The following RIMBP2 variants were observed in gnomAD, a reference collection of about 807,000 sequenced individuals.
RIMBP2 encodes the protein RIMS-binding protein 2.
In RIMBP2, 48 loss-of-function variants were observed where a neutral mutation model predicts 118.6. The observed-to-expected ratio is 0.40, with a 90% CI of 0.32 to 0.51. The LOEUF (loss-of-function observed/expected upper bound fraction) is 0.51. Ranked by LOEUF, RIMBP2 falls within the 20% of genes least tolerant of loss-of-function variation. RIMBP2 has a pLI of 0.41. For missense variants in RIMBP2, 1,551 were observed against 1,768.3 expected (o/e 0.88, Z 2.20); for synonymous variants, 762 against 742.9 (o/e 1.03, Z -0.42).
intron 2 of RIMBP2, among the ~76,000 whole-genome samples, chr12:130,586,944 A>AT (rs2058926095): frequency 1.3e-5 from 1 of 78,796 alleles, no homozygotes; most frequent in African/African-American, 5.1e-5. Context: ...CAAAGGGCTA[A>AT]TATCCAGAAT....
intron 2 of RIMBP2, among the ~76,000 whole-genome samples, chr12:130,605,205 C>A (rs1330279540): frequency 6.6e-6 from 1 of 152,166 alleles, no homozygotes; most frequent in African/African-American, 2.4e-5. Context: ...ACATACTATC[C>A]TAATAATATA....
chr12:130,593,836 C>T (rs2059413425), intron 2 of RIMBP2, among the ~76,000 whole-genome samples: 1 of 152,194 alleles, frequency 6.6e-6, no homozygotes, highest in South Asian at 2.1e-4. Context: ...TCAAGAATTG[C>T]TCTTCTCACA....
intron 2 of RIMBP2, among the ~76,000 whole-genome samples, chr12:130,539,708 C>A (rs12811067): frequency 8.1e-4 from 72 of 88,512 alleles, no homozygotes; most frequent in East Asian, 2.3e-3. Context: ...CAGGTGTAGG[C>A]TATGGCAAAT....
At chr12:130,412,038 C>T (rs577405010) in intron 19 of RIMBP2, among the ~76,000 whole-genome samples, 27 of 151,714 alleles carry the variant, frequency 1.8e-4, no homozygotes, top group African/African-American at 6.5e-4. Context: ...TTAATGAGGA[C>T]ATTGTTATTG....
Position 130,703,556 on chromosome 12 carries a change from G to A in RIMBP2, c.-352+12666C>T, listed in dbSNP as rs537157809. Among the ~76,000 whole-genome samples, 1 of 152,318 alleles carries A rather than the reference G, an allele frequency of 6.6e-6. No homozygotes were observed. Among genetic ancestry groups the A allele is most frequent in the Admixed American group, 6.5e-5 (1 of 15,310 alleles). ...CTCAGGGCTGAGCCGCAGTCTGAGG[G>A]CCGGGCCCTGGCATGGGCTCCATCA... On this transcript the variant is annotated intron_variant, in intron 1 of 22. Transcript: ENST00000690449. This position sits in a 1 kb window ranked among gnomAD's most constrained non-coding sequence, Gnocchi z 5.7.
At chr12:130,491,939 T>C (rs1185019709) in intron 4 of RIMBP2, among the ~76,000 whole-genome samples, 3 of 152,194 alleles carry the variant, frequency 2.0e-5, no homozygotes, top group Non-Finnish European at 2.9e-5. Flanking sequence ...GGTGCCGCTA[T>C]CCCAGGGAAA....
At chr12:130,632,452 C>A (rs2062057151) in intron 1 of RIMBP2, among the ~76,000 whole-genome samples, 1 of 152,082 alleles carries the variant, frequency 6.6e-6, no homozygotes, top group African/African-American at 2.4e-5. Flanking sequence ...TGATTCCTGG[C>A]TTCTCAATGC....
chr12:130,444,544 C>T (rs899965861), intron 10 of RIMBP2, among the ~76,000 whole-genome samples: 4 of 152,196 alleles, frequency 2.6e-5, no homozygotes, highest in South Asian at 2.1e-4. Context: ...TCCTTTAGAA[C>T]GTTGATTTAT....
intron 1 of RIMBP2, among the ~76,000 whole-genome samples, chr12:130,649,831 G>A (rs1001156140): frequency 3.3e-5 from 5 of 151,884 alleles, no homozygotes; most frequent in Non-Finnish European, 7.4e-5. Flanking sequence ...GAGGACGTGC[G>A]GGTGCTGGGA....
chr12:130,445,285 A>G lies in RIMBP2; in HGVS notation c.582-16T>C. ...GGGGTTGTAACTGCAGAGAAAACAC[A>G]GTTCCTTCATTAGAGGCTCTGGAGG... On this transcript the variant is annotated splice_polypyrimidine_tract_variant and intron_variant, in intron 9 of 22. Transcript: ENST00000690449. The G allele has an allele frequency of 6.3e-7, 1 of 1,591,814 alleles. No individual in the cohort carries two copies. Among genetic ancestry groups the G allele is most frequent in the Non-Finnish European group, 8.6e-7 (1 of 1,164,426 alleles).
intron 2 of RIMBP2, among the ~76,000 whole-genome samples, chr12:130,531,005 AT>A (rs2053313481): frequency 6.6e-6 from 1 of 152,198 alleles, no homozygotes; most frequent in South Asian, 2.1e-4. Context: ...GATCACTTTG[AT>A]TGATGACCGA....
chr12:130,596,601 CAA>C (rs928207978), intron 2 of RIMBP2, among the ~76,000 whole-genome samples: 1 of 152,180 alleles, frequency 6.6e-6, no homozygotes, highest in Admixed American at 6.5e-5. Context: ...GAATACACAG[CAA>C]AGAGGGTTTT....
intron 19 of RIMBP2, among the ~76,000 whole-genome samples, chr12:130,409,331 GCTTTTT>G (rs2075480070): frequency 9.1e-6 from 1 of 109,356 alleles, no homozygotes; most frequent in Non-Finnish European, 1.9e-5. Context: ...ACAAAATGTA[GCTTTTT>G]TTTTTTTTTT....
chr12:130,436,852 T>TTAC lies in RIMBP2; in HGVS notation c.2095_2096insGTA (p.Glu699delinsGlyLys). On this transcript the variant is annotated protein_altering_variant, in exon 13 of 23. Transcript: ENST00000690449. Reference sequence around the variant, plus strand: ...GAGCCCCAGCCTTACCCTGCTGCTCTCGGCCACCCTCTGCGCGGCCTCCCG... The same window carrying TTAC: ...GAGCCCCAGCCTTACCCTGCTGCTCTTACCGGCCACCCTCTGCGCGGCCTCCCG... 6.8e-7 allele frequency: 1 copy of TTAC among 1,461,668 alleles called. No individual in the cohort carries two copies. Among genetic ancestry groups the TTAC allele is most frequent in the East Asian group, 2.6e-5 (1 of 38,896 alleles). The allele number at this position is 1,461,668 out of a possible 1,614,324, so 90.5% of individuals were successfully genotyped here.
chr12:130,665,749 A>AACAC (rs61043627), intron 1 of RIMBP2, among the ~76,000 whole-genome samples: 1,839 of 147,150 alleles, frequency 0.012, 82 homozygotes, highest in African/African-American at 0.046. Context: ...CTGGACCAGA[A>AACAC]ACACACACAC....
At chr12:130,543,601 C>T (rs56125259) in intron 2 of RIMBP2, among the ~76,000 whole-genome samples, 19,185 of 151,950 alleles carry the variant, frequency 0.13, 1,412 homozygotes, top group African/African-American at 0.2. Flanking sequence ...AGATGCCTCA[C>T]GAGGAATTGG....
At chr12:130,580,002 G>GTAAAACAC (rs891979201) in intron 2 of RIMBP2, among the ~76,000 whole-genome samples, 8 of 125,668 alleles carry the variant, frequency 6.4e-5, no homozygotes, top group Non-Finnish European at 1.1e-4. Flanking sequence ...GGCCAACATG[G>GTAAAACAC]TAAAACACTG....
intron 2 of RIMBP2, among the ~76,000 whole-genome samples, chr12:130,538,414 C>T (rs1952439590): frequency 6.6e-6 from 1 of 152,016 alleles, no homozygotes. Context: ...TGGGATCCCT[C>T]AGAAACCTCA....
chr12:130,669,394 A>T (rs2064098044), intron 1 of RIMBP2, among the ~76,000 whole-genome samples: 1 of 152,264 alleles, frequency 6.6e-6, no homozygotes, highest in African/African-American at 2.4e-5. Context: ...CTCATCTTGT[A>T]TTGTAATCCC....
Sources: gnomAD v4.1 joint callset for allele counts (sites outside exome capture counted in the v4.1 genomes callset) on GRCh38, gnomAD v4.1.1 for gene constraint, Gnocchi (gnomAD v3.1) non-coding constraint, MANE v1.5 for transcripts, NCBI Gene and HGNC (gene_info 2026-07-23, HGNC 2026-07-21) for gene names.